The following SIPA1L1 variants were observed in gnomAD, a reference collection of about 807,000 sequenced individuals.
The protein encoded by SIPA1L1 is signal-induced proliferation-associated 1-like protein 1.
In SIPA1L1, 26 loss-of-function variants were observed where a neutral mutation model predicts 162.7. That is an observed-to-expected ratio of 0.16 (90% confidence interval 0.12 to 0.22). The LOEUF (loss-of-function observed/expected upper bound fraction) is 0.22, where lower values mean the gene tolerates loss of function less well. SIPA1L1 is among the 10% of genes least tolerant of loss of function. SIPA1L1 has a pLI of 1.00. For missense variants in SIPA1L1, 1,874 were observed against 2,241.0 expected (o/e 0.84, Z 3.31); for synonymous variants, 829 against 837.4 (o/e 0.99, Z 0.17).
chr14:71,479,419 A>G (rs1343426470), intron 2 of SIPA1L1, among the ~76,000 whole-genome samples: 1 of 152,054 alleles, frequency 6.6e-6, no homozygotes, highest in African/African-American at 2.4e-5. Flanking sequence ...TTCTAGAGAC[A>G]GGGTCTTGCT....
At chr14:71,653,738 A>T (rs929710416) in intron 8 of SIPA1L1, among the ~76,000 whole-genome samples, 2 of 152,190 alleles carry the variant, frequency 1.3e-5, no homozygotes, top group Non-Finnish European at 2.9e-5. Flanking sequence ...GCACTTCATT[A>T]TGGCTGGAAG....
intron 14 of SIPA1L1, among the ~76,000 whole-genome samples, chr14:71,701,011 AAAAAAAAAAAAAAAAAAAAAAAAG>A (rs1269466863): frequency 7.1e-6 from 1 of 139,896 alleles, no homozygotes; most frequent in African/African-American, 2.5e-5. Context: ...AAAAAAAAAA[AAAAAAAAAAAAAAAAAAAAAAAAG>A]TTTTATTAAG....
intron 17 of SIPA1L1, among the ~76,000 whole-genome samples, chr14:71,723,288 C>A (rs1014155849): frequency 6.6e-6 from 1 of 152,228 alleles, no homozygotes; most frequent in Non-Finnish European, 1.5e-5. Context: ...AAGACAGAGG[C>A]ATGGAGACGG....
chr14:71,527,627 AT>A (rs112758073), intron 3 of SIPA1L1, among the ~76,000 whole-genome samples: 3,603 of 151,046 alleles, frequency 0.024, 65 homozygotes, highest in African/African-American at 0.046. Flanking sequence ...ATGCTTAAAA[AT>A]TTTTTTTTTA....
intron 2 of SIPA1L1, among the ~76,000 whole-genome samples, chr14:71,500,289 G>A (rs371945730): frequency 1.4e-4 from 22 of 152,230 alleles, no homozygotes; most frequent in African/African-American, 4.6e-4. Context: ...CAATAAAAGC[G>A]TGACACTCCC....
intron 4 of SIPA1L1, among the ~76,000 whole-genome samples, chr14:71,562,137 G>C (rs963395267): frequency 2.0e-5 from 3 of 151,286 alleles, no homozygotes; most frequent in African/African-American, 7.3e-5. Flanking sequence ...ATACTATATT[G>C]TCTCAATCTA....
intron 6 of SIPA1L1, among the ~76,000 whole-genome samples, chr14:71,621,349 G>A (rs147243748): frequency 3.4e-4 from 52 of 152,202 alleles, no homozygotes; most frequent in African/African-American, 1.2e-3. Context: ...TCTGTTTCCC[G>A]GTTATCTCTC....
intron 2 of SIPA1L1, among the ~76,000 whole-genome samples, chr14:71,436,078 C>CT (rs772365897): frequency 1.3e-4 from 19 of 148,164 alleles, no homozygotes; most frequent in Non-Finnish European, 2.8e-4. Context: ...GTGCATTTCT[C>CT]TTGTTATAAG....
intron 2 of SIPA1L1, among the ~76,000 whole-genome samples, chr14:71,500,892 G>A (rs2050154948): frequency 6.6e-6 from 1 of 152,162 alleles, no homozygotes; most frequent in Non-Finnish European, 1.5e-5. Flanking sequence ...TATAATCTCA[G>A]CTACTCAGGA....
chr14:71,447,894 G>C (rs189388413), intron 2 of SIPA1L1, among the ~76,000 whole-genome samples: 1 of 152,008 alleles, frequency 6.6e-6, no homozygotes, highest in Admixed American at 6.6e-5. Context: ...TGTTAGAGTG[G>C]TATCCAGAAT....
At chr14:71,686,242 GGTTGTTGT>G (rs545911491) in intron 13 of SIPA1L1, among the ~76,000 whole-genome samples, 1 of 152,166 alleles carries the variant, frequency 6.6e-6, no homozygotes, top group Non-Finnish European at 1.5e-5. Flanking sequence ...AGAAACCAAA[GGTTGTTGT>G]TAAATTGAAA....
At chr14:71,446,917 T>TG (rs970771281) in intron 2 of SIPA1L1, among the ~76,000 whole-genome samples, 13 of 111,834 alleles carry the variant, frequency 1.2e-4, no homozygotes, top group South Asian at 6.2e-4. Context: ...TTTTTTTTTT[T>TG]TTTTTTTTTT....
At chr14:71,604,695 T>A (rs977475785) in intron 5 of SIPA1L1, among the ~76,000 whole-genome samples, 1 of 152,172 alleles carries the variant, frequency 6.6e-6, no homozygotes, top group Non-Finnish European at 1.5e-5. Context: ...TTTTCTTTTT[T>A]TTCCCCAGCA....
chr14:71,585,163 G>A (rs1346893936), intron 4 of SIPA1L1, among the ~76,000 whole-genome samples: 1 of 143,010 alleles, frequency 7.0e-6, no homozygotes, highest in Non-Finnish European at 1.5e-5. Context: ...GGGAGGGAGG[G>A]AGATGGAAAA....
At chr14:71,356,569 A>AAAAAAAAAAG (rs2037276974) in intron 2 of SIPA1L1, among the ~76,000 whole-genome samples, 1 of 137,754 alleles carries the variant, frequency 7.3e-6, no homozygotes, top group Non-Finnish European at 1.6e-5. Context: ...TGTCTCTACA[A>AAAAAAAAAAG]AAAAAAAAAA....
At chr14:71,411,311 GT>G (rs973709507) in intron 2 of SIPA1L1, among the ~76,000 whole-genome samples, 80 of 152,268 alleles carry the variant, frequency 5.3e-4, no homozygotes, top group African/African-American at 1.8e-3. Context: ...GAAAAAGGGG[GT>G]AGAGGTTAAA....
chr14:71,657,569 T>C (rs913724851), intron 8 of SIPA1L1, among the ~76,000 whole-genome samples: 9 of 152,056 alleles, frequency 5.9e-5, no homozygotes, highest in Non-Finnish European at 8.8e-5. Flanking sequence ...GTTTTTTTTT[T>C]CTTAAGGAAA....
intron 2 of SIPA1L1, among the ~76,000 whole-genome samples, chr14:71,404,953 C>T (rs1289776225): frequency 6.6e-6 from 1 of 152,156 alleles, no homozygotes; most frequent in Non-Finnish European, 1.5e-5. Context: ...TTCATTCATT[C>T]AACAGAGTTT....
intron 7 of SIPA1L1, among the ~76,000 whole-genome samples, chr14:71,644,269 A>G (rs973118844): frequency 3.4e-5 from 5 of 148,620 alleles, no homozygotes; most frequent in East Asian, 4.1e-4. Context: ...GTTGCACTCT[A>G]TTGCCCAGGC....
Sources: allele counts gnomAD v4.1 joint callset (sites outside exome capture counted in the v4.1 genomes callset), GRCh38; gene constraint gnomAD v4.1.1; transcripts MANE v1.5; gene names NCBI Gene and HGNC (gene_info 2026-07-23, HGNC 2026-07-21).